Variants in IMPG1 observed in about 807,000 individuals in gnomAD.
IMPG1 encodes interphotoreceptor matrix proteoglycan 1.
Under a neutral mutation model 92.0 loss-of-function variants are expected in IMPG1, and 85 were observed. The ratio of observed to expected loss-of-function variants is 0.92; its 90% CI spans 0.78 to 1.11. The LOEUF is 1.11. Among genes scored for constraint, IMPG1 ranks in the 50% least tolerant of loss-of-function variants. IMPG1 has a pLI of 0.00. For synonymous variants in IMPG1, 367 were observed against 334.1 expected (o/e 1.10, Z -1.08); for missense variants, 1,022 against 956.0 (o/e 1.07, Z -0.91).
At position 75,937,424 on chromosome 6, in the gene IMPG1, A is replaced by T. The variant is rs1294715039; in HGVS notation, c.2045-6273T>A. ...CTCTATAACCCAGTTAGAAGGGCTT[A>T]TAAGATTCCTTTTTGTAAAGAAGTT... On this transcript the variant is annotated intron_variant, in intron 14 of 16. Transcript: ENST00000369950. Among the ~76,000 whole-genome samples, 3 of 152,330 alleles carry T rather than the reference A, an allele frequency of 2.0e-5. No homozygotes were observed. In the East Asian group the frequency reaches 5.8e-4, roughly 29 times the overall value.
chr6:76,025,720 A>C (rs891952059), intron 4 of IMPG1, among the ~76,000 whole-genome samples: 4 of 152,170 alleles, frequency 2.6e-5, no homozygotes, highest in African/African-American at 7.2e-5. Context: ...AGTAATGGGA[A>C]AGAGATAGAT....
At chr6:76,031,397 A>G (rs1164202457) in intron 4 of IMPG1, among the ~76,000 whole-genome samples, 3 of 152,178 alleles carry the variant, frequency 2.0e-5, no homozygotes, top group Non-Finnish European at 2.9e-5. Flanking sequence ...TTTCTGCCAC[A>G]CCCAATTCTG....
intron 12 of IMPG1, among the ~76,000 whole-genome samples, 163 bp from the exon 13 acceptor site, chr6:75,951,257 G>C (rs1208285364): frequency 6.6e-6 from 1 of 151,234 alleles, no homozygotes; most frequent in South Asian, 2.1e-4. Context: ...AATTGGAACA[G>C]AAAGGGCAGG....
intron 5 of IMPG1, among the ~76,000 whole-genome samples, chr6:76,023,447 G>A (rs1342173619): frequency 2.0e-5 from 3 of 152,118 alleles, no homozygotes; most frequent in African/African-American, 7.2e-5. Context: ...TTATTGCCTT[G>A]AAAAGATAAA....
chr6:75,945,711 C>T (rs1042561519), intron 14 of IMPG1, among the ~76,000 whole-genome samples: 12 of 152,168 alleles, frequency 7.9e-5, no homozygotes, highest in African/African-American at 2.7e-4. Context: ...CAAGATTCAA[C>T]ATTTAGGGCT....
chr6:76,033,949 T>A (rs1228017343), intron 4 of IMPG1, among the ~76,000 whole-genome samples: 1 of 152,228 alleles, frequency 6.6e-6, no homozygotes, highest in Non-Finnish European at 1.5e-5. Context: ...AGTTGTTCTT[T>A]GATTGTATTA....
chr6:75,974,386 TCTTTC>T (rs1454264477), intron 12 of IMPG1, among the ~76,000 whole-genome samples: 1 of 105,224 alleles, frequency 9.5e-6, no homozygotes, highest in African/African-American at 3.8e-5. Flanking sequence ...TTTCTTTCTT[TCTTTC>T]TTTTCTTTCT....
chr6:76,068,938 T>C (rs905163214), intron 1 of IMPG1, among the ~76,000 whole-genome samples: 1 of 151,946 alleles, frequency 6.6e-6, no homozygotes, highest in Admixed American at 6.6e-5. Flanking sequence ...AAAGAGCTCA[T>C]ATAGAAAAAA....
At chr6:75,931,197 C>G in intron 14 of IMPG1, 46 bp from the exon 15 acceptor site, 1 of 1,542,458 alleles carries the variant, frequency 6.5e-7, no homozygotes, top group Non-Finnish European at 8.8e-7. Flanking sequence ...AATAGCTAAG[C>G]AATGGAACTG....
At chr6:76,056,610 T>A (rs1784124477) in intron 1 of IMPG1, among the ~76,000 whole-genome samples, 1 of 152,194 alleles carries the variant, frequency 6.6e-6, no homozygotes, top group South Asian at 2.1e-4. Context: ...ACTTCCATAC[T>A]GTTTTCCAAA....
chr6:76,057,820 T>C (rs1784145182), intron 1 of IMPG1, among the ~76,000 whole-genome samples: 2 of 152,146 alleles, frequency 1.3e-5, no homozygotes, highest in South Asian at 4.1e-4. Flanking sequence ...GAGATCATAT[T>C]GTTTGTAAAA....
intron 12 of IMPG1, among the ~76,000 whole-genome samples, chr6:76,000,451 A>T (rs1782968023): frequency 6.6e-6 from 1 of 152,210 alleles, no homozygotes; most frequent in African/African-American, 2.4e-5. Flanking sequence ...CTTTAAAACA[A>T]AATCTTTTTG....
rs1282396171 is a variant in IMPG1, at chr6:76,020,801, A to G, written c.666+1315T>C. 2.0e-5 allele frequency among the ~76,000 whole-genome samples: 3 copies of G among 152,274 alleles called. No individual in the cohort carries two copies. In the East Asian group the frequency reaches 5.8e-4, roughly 29 times the overall value. ...CCTACAAACCATAAATTCTCATCAG[A>G]TGGGTTTTATTTAACCCTATATATA... On this transcript the variant is annotated intron_variant, in intron 6 of 16. Transcript: ENST00000369950.
At chr6:75,923,595 G>T in intron 16 of IMPG1, 39 bp downstream of exon 16, 1 of 949,404 alleles carries the variant, frequency 1.1e-6, no homozygotes, top group Non-Finnish European at 1.7e-6. Flanking sequence ...CAAAAGTCAA[G>T]TTTAGTAATT....
At chr6:76,042,344 C>G (rs1783859683) in intron 1 of IMPG1, among the ~76,000 whole-genome samples, 1 of 151,998 alleles carries the variant, frequency 6.6e-6, no homozygotes, top group African/African-American at 2.4e-5. Flanking sequence ...TTTAAAAAGC[C>G]AATGTCTCAA....
intron 12 of IMPG1, among the ~76,000 whole-genome samples, chr6:75,955,952 A>C (rs1782113004): frequency 6.6e-6 from 1 of 152,172 alleles, no homozygotes; most frequent in South Asian, 2.1e-4. Flanking sequence ...GATGGAGCTG[A>C]CTTGATCGTG....
At chr6:75,929,722 A>G (rs1781631921) in intron 15 of IMPG1, among the ~76,000 whole-genome samples, 1 of 151,932 alleles carries the variant, frequency 6.6e-6, no homozygotes, top group East Asian at 1.9e-4. Flanking sequence ...AAAAAAAAGA[A>G]AAACGGGAAA....
intron 4 of IMPG1, 27 bp downstream of exon 4, chr6:76,034,288 C>T: frequency 6.2e-7 from 1 of 1,607,688 alleles, no homozygotes; most frequent in East Asian, 2.2e-5. Context: ...AAAGCACACA[C>T]ACACACACTC....
At chr6:76,021,132 T>C (rs187393284) in intron 6 of IMPG1, among the ~76,000 whole-genome samples, 42 of 152,242 alleles carry the variant, frequency 2.8e-4, no homozygotes, top group African/African-American at 1.0e-3. Context: ...CAAAAGAACC[T>C]TGGTCTACAC....
Sources: allele counts gnomAD v4.1 joint callset (sites outside exome capture counted in the v4.1 genomes callset), GRCh38; gene constraint gnomAD v4.1.1; transcripts MANE v1.5; gene names NCBI Gene and HGNC (gene_info 2026-07-23, HGNC 2026-07-21).